Variants in SH3KBP1 observed in about 807,000 individuals in gnomAD.
The protein encoded by SH3KBP1 is SH3 domain containing kinase binding protein 1, also known as SH3 domain-containing kinase-binding protein 1.
In SH3KBP1, 8 loss-of-function variants were observed where a neutral mutation model predicts 50.1. The observed-to-expected ratio is 0.16, with a 90% CI of 0.09 to 0.29. The LOEUF (loss-of-function observed/expected upper bound fraction) is 0.29, where lower values mean the gene tolerates loss of function less well. SH3KBP1 is among the 10% of genes least tolerant of loss of function. The probability of loss-of-function intolerance (pLI) is 1.00; values close to 1 mark genes in which losing one functional copy is unlikely to be tolerated. For missense variants in SH3KBP1, 377 were observed against 535.2 expected, an observed-to-expected ratio of 0.70 and a Z score of 2.92; for synonymous variants, 227 against 218.6, an observed-to-expected ratio of 1.04 and a Z score of -0.34.
chrX:19,718,618 C>T (rs73461606), intron 3 of SH3KBP1, among the ~76,000 whole-genome samples: 26,418 of 111,492 alleles, frequency 0.24, 3,158 homozygotes, highest in African/African-American at 0.47. Context: ...ATGAAACTTA[C>T]CTTTCTGATC....
chrX:19,760,217 C>G (rs977097987), intron 2 of SH3KBP1, among the ~76,000 whole-genome samples: 1 of 108,338 alleles, frequency 9.2e-6, no homozygotes, highest in African/African-American at 3.4e-5. Context: ...GAAACCTTGT[C>G]TCTACTAAAA....
chrX:19,849,525 C>CA (rs1465571626), intron 1 of SH3KBP1, among the ~76,000 whole-genome samples: 1 of 109,005 alleles, frequency 9.2e-6, no homozygotes, highest in Non-Finnish European at 1.9e-5. Flanking sequence ...CCCGTCTCCG[C>CA]AAAAAATACA....
chrX:19,618,400 A>C lies in SH3KBP1; in HGVS notation c.898-10355T>G, dbSNP rs539496140. Among the ~76,000 whole-genome samples, 46 of 107,411 alleles carry C rather than the reference A, an allele frequency of 4.3e-4. 1 individual carries two copies. In the South Asian group the frequency reaches 0.019, roughly 43 times the overall value. 93.3% of individuals were successfully genotyped at this position (107,411 alleles called of 115,157 possible). On this transcript the variant is annotated intron_variant, in intron 8 of 17. Coordinates refer to ENST00000397821, the MANE Select transcript of SH3KBP1 (RefSeq NM_031892.3). ...GACTCTGTCTCAAAAAAAAAAAAAA[A>C]AAAAAAAAAACAGTTTCTATCTGGA...
At chrX:19,698,526 A>C (rs2063473315) in intron 4 of SH3KBP1, among the ~76,000 whole-genome samples, 1 of 111,957 alleles carries the variant, frequency 8.9e-6, no homozygotes. Flanking sequence ...CCACGCAGTA[A>C]GTGGAGGGGC....
chrX:19,831,124 A>C (rs2067863572), intron 2 of SH3KBP1, among the ~76,000 whole-genome samples: 1 of 112,565 alleles, frequency 8.9e-6, no homozygotes, highest in Non-Finnish European at 1.9e-5. Flanking sequence ...AAATGAATCA[A>C]GAAAATGTTT....
At chrX:19,584,959 A>G (rs2066516317) in intron 12 of SH3KBP1, among the ~76,000 whole-genome samples, 1 of 112,054 alleles carries the variant, frequency 8.9e-6, no homozygotes, top group Admixed American at 9.5e-5. Flanking sequence ...CACAGAACAC[A>G]ATACCCTTTC....
chrX:19,776,619 C>G (rs2065991036), intron 2 of SH3KBP1, among the ~76,000 whole-genome samples: 1 of 88,817 alleles, frequency 1.1e-5, no homozygotes. Context: ...ATGATCATAA[C>G]TCATTGTAAT....
In SH3KBP1 at chrX:19,588,796, G is replaced by A. The variant is rs1310665369; in HGVS notation, c.1145C>T (p.Pro382Leu). ...TAAATCCAGTTTTGGCTCTCTCTCT[G>A]GTCTTTCTTTAAATCATTGTTTAAA... is the stretch of plus-strand genomic sequence containing the variant. Reference protein sequence around the residue: ...LPNRTEEKERPEREPKLDLQK... With the variant: ...LPNRTEEKERLEREPKLDLQK... The change falls in exon 12 of 18, where the codon CCA (proline) becomes CTA (leucine). Residue 382 changes from proline to leucine, a missense_variant. Physicochemically the swap from Pro to Leu is moderately conservative, Grantham distance 98. Transcript: ENST00000397821. 7 of 1,137,405 alleles carry A rather than the reference G, an allele frequency of 6.2e-6. No individual in the cohort carries two copies. The highest frequency in any genetic ancestry group is 8.1e-6 in the Non-Finnish European group (7 of 859,059). The allele number at this position is 1,137,405 out of a possible 1,213,427, so 93.7% of individuals were successfully genotyped here. A position where few individuals can be genotyped will look rare whatever the true frequency, so the allele number is the denominator to read the frequency against.
intron 2 of SH3KBP1, among the ~76,000 whole-genome samples, chrX:19,811,705 G>A (rs1450679961): frequency 9.0e-6 from 1 of 111,476 alleles, no homozygotes; most frequent in Non-Finnish European, 1.9e-5. Flanking sequence ...CCCCCACTGC[G>A]CCGATACTAC....
At chrX:19,852,003 T>A (rs995759608) in intron 1 of SH3KBP1, among the ~76,000 whole-genome samples, 6 of 111,639 alleles carry the variant, frequency 5.4e-5, no homozygotes, top group African/African-American at 2.0e-4. Context: ...ACAGGAGAAA[T>A]CTAATCTTCC....
chrX:19,761,165 G>C (rs768062985), intron 2 of SH3KBP1, among the ~76,000 whole-genome samples: 8 of 73,588 alleles, frequency 1.1e-4, no homozygotes, highest in African/African-American at 2.0e-4. Flanking sequence ...AGGTAGAGAG[G>C]GGGGAGGGGA....
chrX:19,680,430 TATG>T (rs1193316753), intron 6 of SH3KBP1, among the ~76,000 whole-genome samples: 1 of 100,818 alleles, frequency 9.9e-6, no homozygotes, highest in Non-Finnish European at 2.0e-5. Flanking sequence ...AAAAGTATAA[TATG>T]ATGCTCACAG....
intron 6 of SH3KBP1, among the ~76,000 whole-genome samples, chrX:19,678,183 G>A (rs1179572377): frequency 9.0e-6 from 1 of 111,557 alleles, no homozygotes; most frequent in Admixed American, 9.6e-5. Flanking sequence ...TAAAACGTAT[G>A]CACAGAGAGA....
chrX:19,735,357 G>A (rs2064518250), intron 3 of SH3KBP1, among the ~76,000 whole-genome samples: 1 of 109,175 alleles, frequency 9.2e-6, no homozygotes, highest in Admixed American at 9.9e-5. Flanking sequence ...TTTGAGTTTA[G>A]CTTGCTTTTC....
intron 5 of SH3KBP1, among the ~76,000 whole-genome samples, chrX:19,685,518 C>T (rs996585902): frequency 9.0e-6 from 1 of 111,348 alleles, no homozygotes; most frequent in Non-Finnish European, 1.9e-5. Flanking sequence ...AAACACAGGA[C>T]CGAATGGGGA....
At chrX:19,576,342 C>G (rs1167186907) in intron 12 of SH3KBP1, among the ~76,000 whole-genome samples, 2 of 110,436 alleles carry the variant, frequency 1.8e-5, no homozygotes, top group Non-Finnish European at 3.8e-5. Context: ...AGCTCACCCC[C>G]TTTGAGAATG....
intron 3 of SH3KBP1, among the ~76,000 whole-genome samples, chrX:19,726,493 T>C (rs1156957822): frequency 9.0e-6 from 1 of 111,361 alleles, no homozygotes; most frequent in Non-Finnish European, 1.9e-5. Flanking sequence ...TTTTTTTAAC[T>C]TTTATTTTAG....
At chrX:19,821,886 A>G (rs1367661533) in intron 2 of SH3KBP1, among the ~76,000 whole-genome samples, 1 of 112,187 alleles carries the variant, frequency 8.9e-6, no homozygotes, top group Non-Finnish European at 1.9e-5. Context: ...AAATTCTCTT[A>G]GTGTTCCTTC....
chrX:19,860,445 T>G (rs1053504975), intron 1 of SH3KBP1, among the ~76,000 whole-genome samples: 1 of 110,551 alleles, frequency 9.0e-6, no homozygotes, highest in African/African-American at 3.3e-5. Context: ...AGTACAAGTG[T>G]GATTACCAGG....
Sources: allele counts gnomAD v4.1 joint callset (sites outside exome capture counted in the v4.1 genomes callset), GRCh38; gene constraint gnomAD v4.1.1; transcripts MANE v1.5; gene names NCBI Gene and HGNC (gene_info 2026-07-23, HGNC 2026-07-21).